TBC1D16: variants seen among roughly 807,000 people sequenced by gnomAD.
The protein encoded by TBC1D16 is CTD-2529O21.1.
Under a neutral mutation model 74.7 loss-of-function variants are expected in TBC1D16, and 58 were observed. The observed-to-expected ratio is 0.78, with a 90% CI of 0.63 to 0.97. The LOEUF is 0.97. Among genes scored for constraint, TBC1D16 ranks in the 50% least tolerant of loss-of-function variants. The pLI, the probability that TBC1D16 is intolerant of heterozygous loss-of-function variation, is 0.00. For missense variants in TBC1D16, 1,014 were observed against 1,079.5 expected (o/e 0.94, Z 0.85); for synonymous variants, 493 against 474.7 (o/e 1.04, Z -0.50).
chr17:80,017,407 C>T (rs972097816), intron 1 of TBC1D16, among the ~76,000 whole-genome samples: 3 of 152,064 alleles, frequency 2.0e-5, no homozygotes, highest in Admixed American at 6.6e-5. Flanking sequence ...ACCGGCCAGG[C>T]GCGGTGGCTC....
intron 1 of TBC1D16, among the ~76,000 whole-genome samples, chr17:80,033,359 T>C (rs1350839368): frequency 7.3e-6 from 1 of 136,458 alleles, no homozygotes; most frequent in African/African-American, 3.6e-5. Flanking sequence ...TGTTTTGTTG[T>C]TGTTGTTGTT....
intron 10 of TBC1D16, chr17:79,943,882 G>A (rs936470745): frequency 3.7e-5 from 52 of 1,406,578 alleles, no homozygotes; most frequent in Non-Finnish European, 4.2e-5. Context: ...AATGAGGCAC[G>A]ATTTTTTTTA....
At chr17:79,953,598 T>G (rs1478743110) in intron 3 of TBC1D16, among the ~76,000 whole-genome samples, 2 of 152,196 alleles carry the variant, frequency 1.3e-5, no homozygotes, top group Non-Finnish European at 2.9e-5. Context: ...TTGTGGCCCA[T>G]GTTCTCACCA....
chr17:79,955,121 T>C lies in TBC1D16; in HGVS notation c.780-2303A>G, dbSNP rs186188772. On this transcript the variant is annotated intron_variant, in intron 3 of 11. Coordinates refer to ENST00000310924, the MANE Select transcript of TBC1D16 (RefSeq NM_019020.4). ...TGGCTTAAACCCTCTCGCAACCCCT[T>C]AGGGGCAAATTATTTGCATTAATTA... 1.5e-3 allele frequency among the ~76,000 whole-genome samples: 225 copies of C among 152,274 alleles called. 1 individual carries two copies. Among genetic ancestry groups the C allele is most frequent in the African/African-American group, 5.2e-3 (215 of 41,540 alleles).
At chr17:79,989,761 G>A (rs1221029788) in intron 3 of TBC1D16, among the ~76,000 whole-genome samples, 1 of 152,212 alleles carries the variant, frequency 6.6e-6, no homozygotes, top group Non-Finnish European at 1.5e-5. Flanking sequence ...CTCAGCATCG[G>A]CCCTCGCAAG....
In TBC1D16 at chr17:79,952,797, G is replaced by A. The variant is rs112925004; in HGVS notation, c.801C>T (p.Ala267=). ...CGTTGCTGTCCGGGAACCGCAGGCC[G>A]GCGTCGGAGCTGGACGGGGGGCTGG... ...SDSSPPSSSD[A]GLRFPDSNGL... is the part of the protein sequence containing the mutation. Residue 267 remains alanine (A), a synonymous_variant, in exon 4 of 12, where the codon GCC becomes GCT. Coordinates refer to ENST00000310924, the MANE Select transcript of TBC1D16 (RefSeq NM_019020.4). The A allele has an allele frequency of 3.1e-6, 5 of 1,610,262 alleles. No homozygotes were observed. The highest frequency in any genetic ancestry group is 1.1e-5 in the South Asian group (1 of 90,868).
At chr17:80,005,320 T>A (rs2035634270) in intron 3 of TBC1D16, among the ~76,000 whole-genome samples, 1 of 152,152 alleles carries the variant, frequency 6.6e-6, no homozygotes, top group Non-Finnish European at 1.5e-5. Flanking sequence ...TTTATCCAGG[T>A]CACCAATGCA....
chr17:80,009,648 G>A lies in TBC1D16; in HGVS notation c.779+512C>T, dbSNP rs1598421478. On this transcript the variant is annotated intron_variant, in intron 3 of 11. Transcript: ENST00000310924. The surrounding 1 kb of genome is among the most constrained non-coding windows in gnomAD (Gnocchi z 5.4). ...GAGAAAGAGGGAGGCTGAAGCCTCC[G>A]GGGACCACAGGGGGCCAGGTCACGT... Among the ~76,000 whole-genome samples the A allele has an allele frequency of 6.6e-6, 1 of 152,198 alleles. No homozygotes were observed. The highest frequency in any genetic ancestry group is 2.4e-5 in the African/African-American group (1 of 41,452).
Position 80,001,456 on chromosome 17 carries a change from G to A in TBC1D16, c.779+8704C>T, listed in dbSNP as rs575113571. 6.6e-6 allele frequency among the ~76,000 whole-genome samples: 1 copy of A among 152,308 alleles called. No homozygotes were observed. Among genetic ancestry groups the A allele is most frequent in the Admixed American group, 6.5e-5 (1 of 15,300 alleles). ...CCCAAACAACAGACCTTCAGGAGCT[G>A]CTGGCTTCCCGGCTGCCAGGCTGCG... On this transcript the variant is annotated intron_variant, in intron 3 of 11. Coordinates refer to ENST00000310924, the MANE Select transcript of TBC1D16 (RefSeq NM_019020.4). This position sits in a 1 kb window ranked among gnomAD's most constrained non-coding sequence, Gnocchi z 5.8.
chr17:80,017,472 G>C (rs922947404), intron 1 of TBC1D16, among the ~76,000 whole-genome samples: 1 of 151,812 alleles, frequency 6.6e-6, no homozygotes, highest in African/African-American at 2.4e-5. Flanking sequence ...ACCTGAGGTC[G>C]GGAGCTCGAC....
At position 79,951,584 on chromosome 17, in the gene TBC1D16, T is replaced by G. The variant is rs1245648169; in HGVS notation, c.955A>C (p.Thr319Pro). 1 of 1,613,442 alleles carries G rather than the reference T, an allele frequency of 6.2e-7. No homozygotes were observed. The highest frequency in any genetic ancestry group is 2.2e-5 in the East Asian group (1 of 44,876). The change falls in exon 5 of 12, where the codon ACC becomes CCC. Residue 319 changes from threonine (T) to proline (P), a missense_variant. Physicochemically the swap from Thr to Pro is conservative, Grantham distance 38. Transcript: ENST00000310924. ...CTGGCAACGACCAGCTGGCCGCTGG[T>G]GCAGGCCTCGTCGCTGAAGGGCCAT... ...LRLFFSDEAC[T>P]SGQLVVASRE...
intron 1 of TBC1D16, among the ~76,000 whole-genome samples, chr17:80,018,920 C>T (rs1376140412): frequency 2.7e-5 from 4 of 150,168 alleles, no homozygotes; most frequent in Non-Finnish European, 5.9e-5. Flanking sequence ...TCCTTAAAGT[C>T]TCCAAAGTCT....
rs183326069 is a variant in TBC1D16, at chr17:79,966,563, C to G, written c.780-13745G>C. 5.9e-3 allele frequency among the ~76,000 whole-genome samples: 903 copies of G among 152,294 alleles called. 3 individuals are homozygous for G. Among genetic ancestry groups the G allele is most frequent in the Non-Finnish European group, 9.2e-3 (623 of 68,030 alleles). On this transcript the variant is annotated intron_variant, in intron 3 of 11. Transcript: ENST00000310924. ...AGGCCCCGCTCAAACACTACTTCCT[C>G]CAGGTTGCTTCCCTTCAATCCCCAG...
chr17:79,960,403 A>G (rs142804237), intron 3 of TBC1D16, among the ~76,000 whole-genome samples: 99 of 152,294 alleles, frequency 6.5e-4, no homozygotes, highest in African/African-American at 2.2e-3. Flanking sequence ...AGAAACCTCA[A>G]TGCAATCTAA....
chr17:79,942,010 G>A (rs776416288), intron 11 of TBC1D16, 50 bp downstream of exon 11: 23 of 1,511,032 alleles, frequency 1.5e-5, no homozygotes, highest in Non-Finnish European at 2.0e-5. Flanking sequence ...CTGGTGGGGT[G>A]GGGCTTTGGG....
At position 79,985,285 on chromosome 17, in the gene TBC1D16, G is replaced by A. The variant is rs752673601; in HGVS notation, c.779+24875C>T. ...TTGGATTTAGGGCCACCCTAATCCA[G>A]GAAGACCTCAACTGGATCCTTCCCT... On this transcript the variant is annotated intron_variant, in intron 3 of 11. Transcript: ENST00000310924. This position sits in a 1 kb window ranked among gnomAD's most constrained non-coding sequence, Gnocchi z 4.9. 5.3e-5 allele frequency among the ~76,000 whole-genome samples: 8 copies of A among 152,168 alleles called. No individual in the cohort carries two copies. The highest frequency in any genetic ancestry group is 7.3e-5 in the Non-Finnish European group (5 of 68,034).
chr17:80,021,290 A>G (rs1490533236), intron 1 of TBC1D16, among the ~76,000 whole-genome samples: 1 of 148,560 alleles, frequency 6.7e-6, no homozygotes, highest in African/African-American at 2.6e-5. Flanking sequence ...CCTGGGCAAC[A>G]TAACAAGATC....
chr17:79,967,848 C>T (rs1052303529), intron 3 of TBC1D16, among the ~76,000 whole-genome samples: 8 of 152,066 alleles, frequency 5.3e-5, no homozygotes, highest in East Asian at 3.9e-4. Context: ...TACAAAGCTA[C>T]GGTAATCAAT....
chr17:79,942,264 CA>C, intron 10 of TBC1D16, 58 bp from the exon 11 acceptor site: 1 of 1,522,022 alleles, frequency 6.6e-7, no homozygotes, highest in Non-Finnish European at 8.9e-7. Flanking sequence ...GCCCTGCACT[CA>C]GGGGGAAACT....
Sources: gnomAD v4.1 joint callset for allele counts (sites outside exome capture counted in the v4.1 genomes callset) on GRCh38, gnomAD v4.1.1 for gene constraint, Gnocchi (gnomAD v3.1) non-coding constraint, MANE v1.5 for transcripts, NCBI Gene and HGNC (gene_info 2026-07-23, HGNC 2026-07-21) for gene names.